Variants in NLGN1 observed in about 807,000 individuals in gnomAD.
The protein encoded by NLGN1 is neuroligin-1.
Under a neutral mutation model 65.5 loss-of-function variants are expected in NLGN1, and 12 were observed. The ratio of observed to expected loss-of-function variants is 0.18; its 90% confidence interval spans 0.12 to 0.30. The LOEUF (loss-of-function observed/expected upper bound fraction) is 0.30, where lower values mean the gene tolerates loss of function less well. Ranked by LOEUF, NLGN1 falls within the 10% of genes least tolerant of loss-of-function variation. The pLI, the probability that NLGN1 is intolerant of heterozygous loss-of-function variation, is 1.00. For missense variants in NLGN1, 750 were observed against 1,007.1 expected (o/e 0.74, Z 3.46); for synonymous variants, 350 against 359.5 (o/e 0.97, Z 0.30).
intron 2 of NLGN1, among the ~76,000 whole-genome samples, chr3:173,602,904 C>G (rs1227355772): frequency 6.6e-6 from 1 of 152,004 alleles, no homozygotes; most frequent in African/African-American, 2.4e-5. Context: ...TTGGTCTAAG[C>G]TTGTCTTTTG....
At chr3:174,065,216 T>G (rs1024623799) in intron 4 of NLGN1, among the ~76,000 whole-genome samples, 4 of 151,984 alleles carry the variant, frequency 2.6e-5, no homozygotes, top group Non-Finnish European at 5.9e-5. Flanking sequence ...TAAATGAAAT[T>G]AAGTTGTGAG....
chr3:173,413,937 G>A (rs1413079569), intron 1 of NLGN1, among the ~76,000 whole-genome samples: 1 of 152,196 alleles, frequency 6.6e-6, no homozygotes, highest in Non-Finnish European at 1.5e-5. Flanking sequence ...GAGATGATGT[G>A]AGCTTTGTAT....
Position 173,432,475 on chromosome 3 carries a change from CAT to C in NLGN1, c.-389-2533_-389-2532del, listed in dbSNP as rs145076915. ...GTTTTAAGTTGCATTTCTCTAATGA[CAT>C]AGGATGTGGAGCATCTTTTTCTGTG... On this transcript the variant is annotated intron_variant, in intron 1 of 6. Transcript: ENST00000457714. Among the ~76,000 whole-genome samples, 869 of 152,294 alleles carry C rather than the reference CAT, an allele frequency of 5.7e-3. 12 individuals carry two copies. The highest frequency in any genetic ancestry group is 0.02 in the African/African-American group (827 of 41,568).
intron 4 of NLGN1, among the ~76,000 whole-genome samples, chr3:174,153,240 T>C (rs1724741100): frequency 6.6e-6 from 1 of 152,152 alleles, no homozygotes; most frequent in Non-Finnish European, 1.5e-5. Context: ...ATTTATAATA[T>C]TGATAAATTG....
intron 2 of NLGN1, among the ~76,000 whole-genome samples, chr3:173,462,352 T>A (rs906487992): frequency 6.6e-6 from 1 of 152,164 alleles, no homozygotes; most frequent in African/African-American, 2.4e-5. Context: ...TTTCTTAACT[T>A]TTTAGCTTTC....
intron 3 of NLGN1, among the ~76,000 whole-genome samples, chr3:173,777,297 G>A (rs1330918861): frequency 6.6e-6 from 1 of 151,846 alleles, no homozygotes; most frequent in Non-Finnish European, 1.5e-5. Flanking sequence ...GCAACCATAT[G>A]GATTTGGTGA....
chr3:173,532,828 A>C (rs1275031594), intron 2 of NLGN1, among the ~76,000 whole-genome samples: 1 of 152,184 alleles, frequency 6.6e-6, no homozygotes, highest in Admixed American at 6.5e-5. Flanking sequence ...ATTCTCCCTG[A>C]TACTCCATGT....
At chr3:173,966,883 A>C (rs538517720) in intron 4 of NLGN1, among the ~76,000 whole-genome samples, 38 of 152,320 alleles carry the variant, frequency 2.5e-4, no homozygotes, top group Non-Finnish European at 4.7e-4. Flanking sequence ...ACATGAACCA[A>C]GTTTTTAGGT....
chr3:173,401,167 A>G (rs1230529098), intron 1 of NLGN1, among the ~76,000 whole-genome samples: 5 of 152,062 alleles, frequency 3.3e-5, no homozygotes, highest in Non-Finnish European at 5.9e-5. Context: ...TGTACTGTAC[A>G]TTATAGGGAT....
chr3:173,459,511 GTTATGGTAAGCAGAGA>G (rs1723023389), intron 2 of NLGN1, among the ~76,000 whole-genome samples: 1 of 152,052 alleles, frequency 6.6e-6, no homozygotes, highest in African/African-American at 2.4e-5. Context: ...TCTTGAGTTT[GTTATGGTAAGCAGAGA>G]TTGACAAATA....
chr3:173,719,426 T>G (rs181858461), intron 3 of NLGN1, among the ~76,000 whole-genome samples: 15 of 152,294 alleles, frequency 9.8e-5, no homozygotes, highest in Non-Finnish European at 2.1e-4. Context: ...CAGTATCTGG[T>G]CCTCAGACAT....
chr3:174,068,108 G>A (rs1373094358), intron 4 of NLGN1, among the ~76,000 whole-genome samples: 1 of 151,932 alleles, frequency 6.6e-6, no homozygotes, highest in Admixed American at 6.6e-5. Flanking sequence ...GGCATTTTAG[G>A]CACTGTGAAG....
At chr3:173,908,371 A>G (rs1003609322) in intron 4 of NLGN1, among the ~76,000 whole-genome samples, 2 of 152,196 alleles carry the variant, frequency 1.3e-5, no homozygotes, top group Admixed American at 1.3e-4. Context: ...TAATTTTTAT[A>G]ATATCTTTAA....
In NLGN1 at chr3:174,040,222, C is replaced by T. The variant is rs291935; in HGVS notation, c.646+232390C>T. On this transcript the variant is annotated intron_variant, in intron 4 of 6. Transcript: ENST00000457714. ...ACTAGGGGCTAAAGAAGGCTAAATG[C>T]TCACCACATGTCTTCTGATTAACTC... Among the ~76,000 whole-genome samples the T allele has an allele frequency of 2.6e-3, 390 of 152,138 alleles. 1 individual carries two copies. Among genetic ancestry groups the T allele is most frequent in the Non-Finnish European group, 4.4e-3 (301 of 68,006 alleles).
chr3:174,142,450 G>T (rs574622663), intron 4 of NLGN1, among the ~76,000 whole-genome samples: 1 of 152,162 alleles, frequency 6.6e-6, no homozygotes, highest in South Asian at 2.1e-4. Context: ...TTCTCAATGG[G>T]TATGTGCCTA....
intron 4 of NLGN1, among the ~76,000 whole-genome samples, chr3:174,161,057 T>C (rs1577156010): frequency 6.6e-6 from 1 of 151,882 alleles, no homozygotes; most frequent in East Asian, 1.9e-4. Flanking sequence ...TCTATAGTCA[T>C]TTCTGTTTTC....
At chr3:173,771,179 C>A (rs1222605663) in intron 3 of NLGN1, among the ~76,000 whole-genome samples, 2 of 152,124 alleles carry the variant, frequency 1.3e-5, no homozygotes, top group Admixed American at 6.5e-5. Context: ...ATTTTAATCA[C>A]CCTGATTTAA....
At chr3:173,975,890 G>T (rs1443988533) in intron 4 of NLGN1, among the ~76,000 whole-genome samples, 1 of 152,044 alleles carries the variant, frequency 6.6e-6, no homozygotes, top group Non-Finnish European at 1.5e-5. Flanking sequence ...CTTGAGGGCA[G>T]TCATATGTCT....
At chr3:173,976,168 C>G (rs1190979175) in intron 4 of NLGN1, among the ~76,000 whole-genome samples, 1 of 152,026 alleles carries the variant, frequency 6.6e-6, no homozygotes, top group Non-Finnish European at 1.5e-5. Flanking sequence ...TGCTCTCCTC[C>G]TTTCCTGAAA....
Sources: gnomAD v4.1 joint callset for allele counts (sites outside exome capture counted in the v4.1 genomes callset) on GRCh38, gnomAD v4.1.1 for gene constraint, MANE v1.5 for transcripts, NCBI Gene and HGNC (gene_info 2026-07-23, HGNC 2026-07-21) for gene names.